The following ANKRD6 variants were observed in gnomAD, a reference collection of about 807,000 sequenced individuals.
The protein encoded by ANKRD6 is ankyrin repeat domain 6, also known as ankyrin repeat domain-containing protein 6.
A neutral mutation model predicts 82.3 loss-of-function variants in ANKRD6; 56 were observed. That is an observed-to-expected ratio of 0.68 (90% confidence interval 0.55 to 0.85). The LOEUF (loss-of-function observed/expected upper bound fraction) is 0.85. Ranked by LOEUF, ANKRD6 falls within the 40% of genes least tolerant of loss-of-function variation. ANKRD6 has a pLI of 0.00. For synonymous variants in ANKRD6, 347 were observed against 352.1 expected (o/e 0.99, Z 0.16); for missense variants, 852 against 907.6 (o/e 0.94, Z 0.79).
intron 1 of ANKRD6, among the ~76,000 whole-genome samples, chr6:89,451,420 C>G (rs554895144): frequency 6.6e-6 from 1 of 152,278 alleles, no homozygotes; most frequent in African/African-American, 2.4e-5. Flanking sequence ...GCAAAATAAA[C>G]AGCCATCTTC....
chr6:89,462,619 AG>A (rs1192241081), intron 1 of ANKRD6, among the ~76,000 whole-genome samples: 1 of 152,156 alleles, frequency 6.6e-6, no homozygotes, highest in East Asian at 1.9e-4. Flanking sequence ...TCCTGATCTG[AG>A]TGGGTTTCAT....
Position 89,566,863 on chromosome 6 carries a change from T to A in ANKRD6, c.-114T>A. 1 of 1,404,604 alleles carries A rather than the reference T, an allele frequency of 7.1e-7. No homozygotes were observed. Among genetic ancestry groups the A allele is most frequent in the African/African-American group, 1.4e-5 (1 of 69,340 alleles). 87.0% of individuals were successfully genotyped at this position (1,404,604 alleles called of 1,614,324 possible). A position where few individuals can be genotyped will look rare whatever the true frequency, so the allele number is the denominator to read the frequency against. ...CGAAGATGGCATATTCATAAAGACA[T>A]CTTCTGATGATTGTGAACATCTTTA... On this transcript the variant is annotated 5_prime_UTR_variant, in exon 2 of 16. Coordinates refer to ENST00000339746, the MANE Select transcript of ANKRD6 (RefSeq NM_001242809.2).
intron 1 of ANKRD6, among the ~76,000 whole-genome samples, chr6:89,499,979 G>A (rs760347717): frequency 7.9e-5 from 12 of 152,096 alleles, no homozygotes; most frequent in African/African-American, 1.7e-4. Flanking sequence ...CTATAAAATC[G>A]TACTCTGAAA....
intron 2 of ANKRD6, among the ~76,000 whole-genome samples, chr6:89,578,049 G>T (rs1025600714): frequency 6.6e-6 from 1 of 152,182 alleles, no homozygotes; most frequent in African/African-American, 2.4e-5. Context: ...TTCATAGAGG[G>T]TGAGCCCCCC....
At chr6:89,514,377 CA>C (rs942254838) in intron 1 of ANKRD6, among the ~76,000 whole-genome samples, 15 of 151,074 alleles carry the variant, frequency 9.9e-5, no homozygotes, top group African/African-American at 2.7e-4. Context: ...GACTCCATCT[CA>C]AAAAAAAAAA....
intron 1 of ANKRD6, among the ~76,000 whole-genome samples, chr6:89,560,551 C>T (rs1046241984): frequency 2.6e-5 from 4 of 152,178 alleles, no homozygotes; most frequent in Middle Eastern, 3.2e-3. Context: ...TGGCTGGGCA[C>T]GGTGGCTCAC....
chr6:89,477,053 T>A (rs1230292566), intron 1 of ANKRD6, among the ~76,000 whole-genome samples: 1 of 152,216 alleles, frequency 6.6e-6, no homozygotes, highest in Non-Finnish European at 1.5e-5. Context: ...CACGCCATTC[T>A]CCTGCCTCAG....
At chr6:89,483,987 C>T (rs1777086622) in intron 1 of ANKRD6, among the ~76,000 whole-genome samples, 1 of 152,156 alleles carries the variant, frequency 6.6e-6, no homozygotes, top group South Asian at 2.1e-4. Context: ...GCAATCTTGG[C>T]TCACTGCAAC....
In ANKRD6 at chr6:89,623,913, G is replaced by A. The variant is rs765544727; in HGVS notation, c.1074G>A (p.Gln358=). 2 of 1,613,854 alleles carry A rather than the reference G, an allele frequency of 1.2e-6. No individual in the cohort carries two copies. Among genetic ancestry groups the A allele is most frequent in the Admixed American group, 3.3e-5 (2 of 60,004 alleles). The part of the protein sequence containing the change: ...FSDPTPPADQ[Q]PGHQKNLHAH... ...ACCCCACCCCACCAGCCGACCAACA[G>A]CCTGGACACCAGAAGAACCTGCATG... The change falls in exon 12 of 16, where the codon CAG becomes CAA. Residue 358 remains glutamine (Q), a synonymous_variant. Transcript: ENST00000339746.
rs71024383 is a variant in ANKRD6, at chr6:89,578,286, C to CTTTTTTTTTTTTTTTTTTTT, written c.120+11197_120+11216dup. On this transcript the variant is annotated intron_variant, in intron 2 of 15. Coordinates refer to ENST00000339746, the MANE Select transcript of ANKRD6 (RefSeq NM_001242809.2). ...ATTAGCTTTTTCCCCCTCCCGCCTC[C>CTTTTTTTTTTTTTTTTTTTT]TTTTTTTTTTTTTTTTTTTTTTTTT... Among the ~76,000 whole-genome samples the CTTTTTTTTTTTTTTTTTTTT allele has an allele frequency of 1.7e-5, 2 of 119,098 alleles. 1 individual carries two copies. 78.1% of individuals were successfully genotyped at this position (119,098 alleles called of 152,430 possible). A position where few individuals can be genotyped will look rare whatever the true frequency, so the allele number is the denominator to read the frequency against.
At chr6:89,515,700 T>A (rs548172608) in intron 1 of ANKRD6, among the ~76,000 whole-genome samples, 7 of 152,238 alleles carry the variant, frequency 4.6e-5, no homozygotes, top group Non-Finnish European at 1.0e-4. Context: ...TCCTGGATTA[T>A]CTGGGTAGGA....
In ANKRD6 at chr6:89,612,297, C is replaced by A. The variant is rs904210793; in HGVS notation, c.443C>A (p.Ala148Asp). 11 of 1,561,268 alleles carry A rather than the reference C, an allele frequency of 7.0e-6. No individual in the cohort carries two copies. In the Admixed American group the frequency reaches 1.9e-4, roughly 27 times the overall value. ...NKAGNTALHL[A>D]CQNSHSQSTR... ...GCGGGGAACACAGCTCTGCACCTGG[C>A]CTGCCAGAACAGCCACTCCCAGAGC... Residue 148 changes from alanine to aspartate, a missense_variant, in exon 6 of 16, where the codon GCC becomes GAC. Ala to Asp is a moderately radical substitution (Grantham distance 126). Coordinates refer to ENST00000339746, the MANE Select transcript of ANKRD6 (RefSeq NM_001242809.2).
chr6:89,622,236 G>A (rs187527401), intron 10 of ANKRD6, among the ~76,000 whole-genome samples: 173 of 152,218 alleles, frequency 1.1e-3, no homozygotes, highest in African/African-American at 3.9e-3. Context: ...CTCCGTGTGC[G>A]CTGCCCATTA....
In ANKRD6 at chr6:89,630,774, G is replaced by A. The variant is rs774618876; in HGVS notation, c.1954G>A (p.Glu652Lys). Reference protein sequence around the residue: ...CGQPPPATGSEQTGPHIRDTS... With the variant: ...CGQPPPATGSKQTGPHIRDTS... ...GCAGCCGCCACCAGCCACAGGCAGC[G>A]AGCAGACTGGCCCTCACATTCGGGA... The change falls in exon 16 of 16, where the codon GAG (glutamate) becomes AAG (lysine). Residue 652 changes from glutamate to lysine, a missense_variant. Glu to Lys is a moderately conservative substitution (Grantham distance 56, BLOSUM62 1). Coordinates refer to ENST00000339746, the MANE Select transcript of ANKRD6 (RefSeq NM_001242809.2). 9.3e-6 allele frequency: 15 copies of A among 1,613,784 alleles called. No individual in the cohort carries two copies. The highest frequency in any genetic ancestry group is 3.3e-5 in the South Asian group (3 of 91,078).
rs1784893715 is a variant in ANKRD6, at chr6:89,544,965, G to T, written c.-143-21869G>T. ...ACGGTGGCTCACGCCTGTAATCCCA[G>T]CACTTCGGGAGGCGGAGGCGGGCAG... On this transcript the variant is annotated intron_variant, in intron 1 of 15. Transcript: ENST00000339746. Among the ~76,000 whole-genome samples the T allele has an allele frequency of 2.0e-5, 3 of 151,828 alleles. No individual in the cohort carries two copies. The South Asian group carries it at 6.2e-4, about 32-fold the overall frequency.
rs147482980 is a variant in ANKRD6, at chr6:89,494,119, C to A, written c.-144+60744C>A. Among the ~76,000 whole-genome samples the A allele has an allele frequency of 2.0e-3, 300 of 151,884 alleles. 2 individuals are homozygous for A. The highest frequency in any genetic ancestry group is 6.8e-3 in the African/African-American group (280 of 41,378). On this transcript the variant is annotated intron_variant, in intron 1 of 15. Coordinates refer to ENST00000339746, the MANE Select transcript of ANKRD6 (RefSeq NM_001242809.2). ...TCACTTGAGACCAGGAGTTTGAGAC[C>A]AGCCTGAGCAGCATAGCAAGATCCC...
rs1447375246 is a variant in ANKRD6, at chr6:89,433,786, A to G, written c.-144+411A>G. On this transcript the variant is annotated intron_variant, in intron 1 of 15. Transcript: ENST00000339746. This position sits in a 1 kb window ranked among gnomAD's most constrained non-coding sequence, Gnocchi z 4.3. Reference sequence around the variant, plus strand: ...GGTCCCTGGCCTGCGGCCGCCTCCGAATGACCCCGTCCCTCCCCGCCCTGG... The same window carrying G: ...GGTCCCTGGCCTGCGGCCGCCTCCGGATGACCCCGTCCCTCCCCGCCCTGG... Among the ~76,000 whole-genome samples, 1 of 152,186 alleles carries G rather than the reference A, an allele frequency of 6.6e-6. No homozygotes were observed. The highest frequency in any genetic ancestry group is 2.4e-5 in the African/African-American group (1 of 41,450).
chr6:89,613,132 T>C (rs1800639751), intron 6 of ANKRD6, among the ~76,000 whole-genome samples: 1 of 152,184 alleles, frequency 6.6e-6, no homozygotes, highest in South Asian at 2.1e-4. Flanking sequence ...TCCAGTTCTT[T>C]ATTGTCTTTG....
rs1343872070 is a variant in ANKRD6, at chr6:89,567,032, A to T, written c.56A>T (p.Tyr19Phe). The change falls in exon 2 of 16, where the codon TAC (tyrosine) becomes TTC (phenylalanine). Residue 19 changes from tyrosine (Y) to phenylalanine (F), a missense_variant. Coordinates refer to ENST00000339746, the MANE Select transcript of ANKRD6 (RefSeq NM_001242809.2). ...TCAGAGCGCCTTCTCGTAGCTGCGT[A>T]CAAAGGCCAAACAGAGAATGTGGTT... ...ALSERLLVAA[Y>F]KGQTENVVQL... The T allele has an allele frequency of 4.3e-5, 69 of 1,607,634 alleles. No homozygotes were observed. Among genetic ancestry groups the T allele is most frequent in the Non-Finnish European group, 5.7e-5 (67 of 1,176,974 alleles).
Sources: gnomAD v4.1 joint callset for allele counts (sites outside exome capture counted in the v4.1 genomes callset) on GRCh38, gnomAD v4.1.1 for gene constraint, Gnocchi (gnomAD v3.1) non-coding constraint, MANE v1.5 for transcripts, NCBI Gene and HGNC (gene_info 2026-07-23, HGNC 2026-07-21) for gene names.